Variants in GRID2IP observed in about 807,000 individuals in gnomAD.
GRID2IP encodes Grid2 interacting protein, also known as delphilin.
In GRID2IP, 78 loss-of-function variants were observed where a neutral mutation model predicts 114.3. That is an observed-to-expected ratio of 0.68 (90% CI 0.57 to 0.82). The LOEUF (loss-of-function observed/expected upper bound fraction) is 0.82. GRID2IP is among the 40% of genes least tolerant of loss of function. GRID2IP has a pLI of 0.00. For synonymous variants in GRID2IP, 809 were observed against 724.0 expected (o/e 1.12, Z -1.89); for missense variants, 1,727 against 1,678.5 (o/e 1.03, Z -0.51).
chr7:6,526,100 C>G lies in GRID2IP; in HGVS notation c.919+124G>C, dbSNP rs1583346711. The G allele has an allele frequency of 2.8e-6, 2 of 718,762 alleles. No individual in the cohort carries two copies. The highest frequency in any genetic ancestry group is 4.9e-6 in the Non-Finnish European group (2 of 407,688). The allele number at this position is 718,762 out of a possible 1,614,324, so 44.5% of individuals were successfully genotyped here. ...GACACGGTCTACACAAGGATGGTAC[C>G]TGACGTGGAGGGGTTGCTGAGCAGG... is the stretch of plus-strand genomic sequence containing the variant. On this transcript the variant is annotated intron_variant, in intron 4 of 21. Coordinates refer to ENST00000457091, the MANE Select transcript of GRID2IP (RefSeq NM_001145118.2). This position sits in a 1 kb window ranked among gnomAD's most constrained non-coding sequence, Gnocchi z 7.6.
rs1786478055 is a variant in GRID2IP, at chr7:6,503,534, T to C, written c.2864A>G (p.Glu955Gly). 6.6e-6 allele frequency: 10 copies of C among 1,526,460 alleles called. No individual in the cohort carries two copies. Among genetic ancestry groups the C allele is most frequent in the Non-Finnish European group, 8.7e-6 (10 of 1,143,400 alleles). 94.6% of individuals were successfully genotyped at this position (1,526,460 alleles called of 1,614,324 possible). ...DEEQRYQAFR[E>G]APGRLSEPDQ... ...CGGCTCGCTGAGGCGGCCGGGCGCC[T>C]CGCGGAAGGCCTGGTAGCGCTGCTC... Residue 955 changes from glutamate to glycine, a missense_variant, in exon 16 of 22, where the codon GAG becomes GGG. Coordinates refer to ENST00000457091, the MANE Select transcript of GRID2IP (RefSeq NM_001145118.2).
chr7:6,517,060 CTT>C (rs762838622), intron 7 of GRID2IP, among the ~76,000 whole-genome samples: 19 of 142,764 alleles, frequency 1.3e-4, no homozygotes, highest in Middle Eastern at 3.5e-3. Context: ...GTCTTTCTTT[CTT>C]TTTTTTTTTT....
At chr7:6,511,772 T>G (rs1202275647) in intron 8 of GRID2IP, among the ~76,000 whole-genome samples, 1 of 152,232 alleles carries the variant, frequency 6.6e-6, no homozygotes, top group African/African-American at 2.4e-5. Context: ...TGTGGGTCCC[T>G]GGGACTGCAG....
At chr7:6,547,354 A>G (rs890557197) in intron 1 of GRID2IP, among the ~76,000 whole-genome samples, 2 of 151,942 alleles carry the variant, frequency 1.3e-5, no homozygotes, top group East Asian at 3.9e-4. Context: ...TAGCCTGGGC[A>G]ACATAGCAAG....
intron 11 of GRID2IP, 72 bp downstream of exon 11, chr7:6,510,211 A>AAGC (rs1562514471): frequency 6.2e-6 from 6 of 975,196 alleles, no homozygotes; most frequent in Non-Finnish European, 7.6e-6. Context: ...TGGAGCAGAG[A>AAGC]AGCAGCTCCA....
chr7:6,526,730 C>G lies in GRID2IP; in HGVS notation c.624G>C (p.Glu208Asp), dbSNP rs1452140306. ...IPKKHRARFD[E>D]VVSQGLLGKL... The stretch of plus-strand genomic sequence containing the variant: ...TGCCCAGGAGGCCCTGAGACACCAC[C>G]TCGTCGAAGCGCGCCCGGTGCTTCT... The change falls in exon 3 of 22, where the codon GAG becomes GAC. Residue 208 changes from glutamate (E) to aspartate (D), a missense_variant. Physicochemically the swap from Glu to Asp is conservative, Grantham distance 45. Transcript: ENST00000457091. This position sits in a 1 kb window ranked among gnomAD's most constrained non-coding sequence, Gnocchi z 7.6. The G allele has an allele frequency of 2.5e-5, 38 of 1,525,082 alleles. No homozygotes were observed. In the Admixed American group the frequency reaches 4.1e-4, roughly 16 times the overall value. The allele number at this position is 1,525,082 out of a possible 1,614,324, so 94.5% of individuals were successfully genotyped here.
In GRID2IP at chr7:6,520,533, G is replaced by A. The variant is rs945337159; in HGVS notation, c.1268+45C>T. The A allele has an allele frequency of 1.3e-6, 2 of 1,528,816 alleles. No individual in the cohort carries two copies. The highest frequency in any genetic ancestry group is 2.8e-5 in the African/African-American group (2 of 72,628). 94.7% of individuals were successfully genotyped at this position (1,528,816 alleles called of 1,614,324 possible). Reference sequence around the variant, plus strand: ...GGGATGTGAGTCTAGGCAGGACTTAGGGCCCACCCAGGGCAGGGCCCCACC... The same window carrying A: ...GGGATGTGAGTCTAGGCAGGACTTAAGGCCCACCCAGGGCAGGGCCCCACC... On this transcript the variant is annotated intron_variant, in intron 7 of 21. Transcript: ENST00000457091. The surrounding 1 kb of genome is among the most constrained non-coding windows in gnomAD (Gnocchi z 4.6).
chr7:6,550,058 A>G (rs1379866933), intron 1 of GRID2IP, among the ~76,000 whole-genome samples: 1 of 152,008 alleles, frequency 6.6e-6, no homozygotes, highest in Non-Finnish European at 1.5e-5. Context: ...TGGTGCAGTC[A>G]TGGCTCACTG....
intron 4 of GRID2IP, among the ~76,000 whole-genome samples, chr7:6,524,818 G>A (rs1201152197): frequency 2.6e-5 from 4 of 151,624 alleles, no homozygotes; most frequent in African/African-American, 9.7e-5. Context: ...CCGGGCTCAC[G>A]CCATTCTCCT....
At position 6,509,053 on chromosome 7, in the gene GRID2IP, C is replaced by T. The variant is rs546220143; in HGVS notation, c.2032G>A (p.Asp678Asn). 1.5e-5 allele frequency: 23 copies of T among 1,497,158 alleles called. No individual in the cohort carries two copies. The highest frequency in any genetic ancestry group is 8.1e-5 in the East Asian group (3 of 37,146). The allele number at this position is 1,497,158 out of a possible 1,614,324, so 92.7% of individuals were successfully genotyped here. Residue 678 changes from aspartate (D) to asparagine (N), a missense_variant, in exon 12 of 22, where the codon GAT (aspartate) becomes AAT (asparagine). By Grantham distance (23) the Asp-to-Asn change is conservative. Coordinates refer to ENST00000457091, the MANE Select transcript of GRID2IP (RefSeq NM_001145118.2). The surrounding 1 kb of genome is among the most constrained non-coding windows in gnomAD (Gnocchi z 4.9). ...FTFSHPVRSR[D>N]TDRFLDVLSE... ...AGCACGTCCAGGAAGCGGTCAGTAT[C>T]GCGGCTTCGCACAGGGTGGGAGAAG...
At chr7:6,541,340 C>G (rs1779813033) in intron 1 of GRID2IP, among the ~76,000 whole-genome samples, 1 of 152,198 alleles carries the variant, frequency 6.6e-6, no homozygotes, top group Non-Finnish European at 1.5e-5. Flanking sequence ...AACCACACCA[C>G]ACATTCAGTA....
chr7:6,498,935 A>G (rs1786337931), intron 20 of GRID2IP, among the ~76,000 whole-genome samples: 3 of 152,066 alleles, frequency 2.0e-5, no homozygotes, highest in South Asian at 4.1e-4. Flanking sequence ...GAAATTGTTC[A>G]TAAGTTCATT....
At position 6,508,560 on chromosome 7, in the gene GRID2IP, G is replaced by A. The variant is rs998235346; in HGVS notation, c.2128-159C>T. Among the ~76,000 whole-genome samples the A allele has an allele frequency of 2.0e-5, 3 of 151,980 alleles. No homozygotes were observed. The highest frequency in any genetic ancestry group is 7.3e-5 in the African/African-American group (3 of 41,372). ...GGACACCTGGGCTAAGGATAGGACTGTCTCACAGGTTAACCTCAGGCTGTG... is the reference window on the plus strand; with the variant it reads ...GGACACCTGGGCTAAGGATAGGACTATCTCACAGGTTAACCTCAGGCTGTG... On this transcript the variant is annotated intron_variant, in intron 12 of 21. Coordinates refer to ENST00000457091, the MANE Select transcript of GRID2IP (RefSeq NM_001145118.2). The surrounding 1 kb of genome is among the most constrained non-coding windows in gnomAD (Gnocchi z 5.6).
At chr7:6,503,810 A>C (rs1173174173) in intron 15 of GRID2IP, 123 bp from the exon 16 acceptor site, 1 of 660,624 alleles carries the variant, frequency 1.5e-6, no homozygotes, top group African/African-American at 2.0e-5. Context: ...AGGGGAGAGG[A>C]CGGGGCCTTG....
Position 6,521,302 on chromosome 7 carries a change from C to T in GRID2IP, c.1084+127G>A, listed in dbSNP as rs1045493974. 3 of 639,806 alleles carry T rather than the reference C, an allele frequency of 4.7e-6. No homozygotes were observed. The highest frequency in any genetic ancestry group is 3.2e-5 in the Admixed American group (1 of 31,422). The allele number at this position is 639,806 out of a possible 1,614,324, so 39.6% of individuals were successfully genotyped here. A position where few individuals can be genotyped will look rare whatever the true frequency, so the allele number is the denominator to read the frequency against. On this transcript the variant is annotated intron_variant, in intron 6 of 21. Transcript: ENST00000457091. The surrounding 1 kb of genome is among the most constrained non-coding windows in gnomAD (Gnocchi z 4.1). ...GGGTTCTATAGCACCACTTAGGAGGCAGCCCCGGGGAGGCAAGCTGCAGGT... is the reference window on the plus strand; with the variant it reads ...GGGTTCTATAGCACCACTTAGGAGGTAGCCCCGGGGAGGCAAGCTGCAGGT...
At chr7:6,504,446 G>A (rs1288265345) in intron 15 of GRID2IP, among the ~76,000 whole-genome samples, 1 of 151,568 alleles carries the variant, frequency 6.6e-6, no homozygotes, top group African/African-American at 2.4e-5. Flanking sequence ...TTCAGCGACC[G>A]ATTTAAGGGT....
At position 6,508,276 on chromosome 7, in the gene GRID2IP, TG is replaced by T; in HGVS notation, c.2252del (p.Pro751HisfsTer78). 1 of 666,040 alleles carries T rather than the reference TG, an allele frequency of 1.5e-6. No homozygotes were observed. The highest frequency in any genetic ancestry group is 2.1e-6 in the Non-Finnish European group (1 of 487,580). 41.3% of individuals were successfully genotyped at this position (666,040 alleles called of 1,614,324 possible). On this transcript the variant is annotated frameshift_variant, in exon 13 of 22. Coordinates refer to ENST00000457091, the MANE Select transcript of GRID2IP (RefSeq NM_001145118.2). LOFTEE classifies it high-confidence loss of function. The surrounding 1 kb of genome is among the most constrained non-coding windows in gnomAD (Gnocchi z 5.6). ...TYSSISDHIP[P>X]PPLSPPPPPP... ...GCGGTGGTGGGGGGCTGAGCGGGGGTGGGGGGATGTGGTCAGAGATGGAGGA... is the reference window on the plus strand; with the variant it reads ...GCGGTGGTGGGGGGCTGAGCGGGGGTGGGGGATGTGGTCAGAGATGGAGGA...
At chr7:6,530,021 C>T (rs944884482) in intron 2 of GRID2IP, among the ~76,000 whole-genome samples, 6 of 149,322 alleles carry the variant, frequency 4.0e-5, no homozygotes, top group Non-Finnish European at 8.9e-5. Flanking sequence ...TGCAGTGGTG[C>T]GATCTCCGCT....
chr7:6,522,169 G>A (rs1779425413), intron 4 of GRID2IP, among the ~76,000 whole-genome samples: 1 of 152,126 alleles, frequency 6.6e-6, no homozygotes, highest in Middle Eastern at 3.2e-3. Flanking sequence ...GGGCAACATA[G>A]CGAGACCCCA....
Sources: gnomAD v4.1 joint callset for allele counts (sites outside exome capture counted in the v4.1 genomes callset) on GRCh38, gnomAD v4.1.1 for gene constraint, Gnocchi (gnomAD v3.1) non-coding constraint, MANE v1.5 for transcripts, NCBI Gene and HGNC (gene_info 2026-07-23, HGNC 2026-07-21) for gene names.